Variants in DCLK1 observed in about 807,000 individuals in gnomAD.
DCLK1 encodes the protein serine/threonine-protein kinase DCLK1.
Under a neutral mutation model 86.2 loss-of-function variants are expected in DCLK1, and 16 were observed. That is an observed-to-expected ratio of 0.19 (90% confidence interval 0.13 to 0.28). The LOEUF (loss-of-function observed/expected upper bound fraction) is 0.28. DCLK1 is among the 10% of genes least tolerant of loss of function. DCLK1 has a pLI of 1.00. For synonymous variants in DCLK1, 369 were observed against 370.5 expected, an observed-to-expected ratio of 1.00 and a Z score of 0.05; for missense variants, 590 against 940.2, an observed-to-expected ratio of 0.63 and a Z score of 4.87.
chr13:35,793,673 C>G (rs959398710), intron 15 of DCLK1, among the ~76,000 whole-genome samples, 194 bp from the exon 16 acceptor site: 2 of 151,988 alleles, frequency 1.3e-5, no homozygotes, highest in Non-Finnish European at 2.9e-5. Context: ...CACATCTGCT[C>G]TAAAATTAAT....
At chr13:35,796,174 A>C (rs9574622) in intron 15 of DCLK1, among the ~76,000 whole-genome samples, 79,195 of 151,592 alleles carry the variant, frequency 0.52, 22,029 homozygotes, top group East Asian at 0.83. Flanking sequence ...GGCCTCACCA[A>C]CAAGATTACA....
At chr13:35,916,092 A>C (rs1302362207) in intron 4 of DCLK1, among the ~76,000 whole-genome samples, 1 of 152,216 alleles carries the variant, frequency 6.6e-6, no homozygotes, top group Admixed American at 6.5e-5. Flanking sequence ...ACCTTCTGCA[A>C]AAAGGATCTT....
intron 15 of DCLK1, among the ~76,000 whole-genome samples, chr13:35,799,006 G>T (rs1344887106): frequency 6.6e-6 from 1 of 152,128 alleles, no homozygotes; most frequent in African/African-American, 2.4e-5. Flanking sequence ...AAGTGTAAAG[G>T]CCAGGAAGGT....
At chr13:35,998,525 A>G (rs1189327381) in intron 3 of DCLK1, among the ~76,000 whole-genome samples, 1 of 152,076 alleles carries the variant, frequency 6.6e-6, no homozygotes, top group Non-Finnish European at 1.5e-5. Flanking sequence ...TAAGCCACTC[A>G]GAATCATCAT....
intron 3 of DCLK1, among the ~76,000 whole-genome samples, chr13:36,006,770 C>T (rs1880983425): frequency 6.6e-6 from 1 of 152,190 alleles, no homozygotes; most frequent in African/African-American, 2.4e-5. Flanking sequence ...ATCTAGAGGA[C>T]TCAGGTTTAG....
rs1259843069 is a variant in DCLK1, at chr13:35,891,002, A to G, written c.824-19662T>C. ...CCTTTGTCTCCTAATTTTAATTTTT[A>G]TAGTGTTTTGTCATATAGAATTGTT... On this transcript the variant is annotated intron_variant, in intron 4 of 16. Transcript: ENST00000360631. 2.0e-5 allele frequency among the ~76,000 whole-genome samples: 3 copies of G among 151,264 alleles called. No individual in the cohort carries two copies. The East Asian group carries it at 5.8e-4, about 29-fold the overall frequency.
intron 15 of DCLK1, among the ~76,000 whole-genome samples, chr13:35,800,985 G>T (rs1403772967): frequency 6.6e-6 from 1 of 151,478 alleles, no homozygotes; most frequent in Non-Finnish European, 1.5e-5. Flanking sequence ...CGGCCTCCCA[G>T]AGTGCTGGGG....
At chr13:36,080,661 A>T (rs778584275) in intron 3 of DCLK1, among the ~76,000 whole-genome samples, 1 of 152,130 alleles carries the variant, frequency 6.6e-6, no homozygotes, top group South Asian at 2.1e-4. Flanking sequence ...CCTGCCTTTG[A>T]TTTTGAGTTT....
chr13:35,881,256 G>A lies in DCLK1; in HGVS notation c.824-9916C>T, dbSNP rs140990954. On this transcript the variant is annotated intron_variant, in intron 4 of 16. Coordinates refer to ENST00000360631, the MANE Select transcript of DCLK1 (RefSeq NM_001330071.2). ...TAACAATTGACCTTAAATTAGCCAG[G>A]ACTTAATAAGTGACAGCATCCCTAA... 5.9e-5 allele frequency among the ~76,000 whole-genome samples: 9 copies of A among 152,198 alleles called. No individual in the cohort carries two copies. In the East Asian group the frequency reaches 1.7e-3, roughly 29 times the overall value.
At chr13:35,860,715 T>G (rs1424611672) in intron 5 of DCLK1, among the ~76,000 whole-genome samples, 1 of 152,186 alleles carries the variant, frequency 6.6e-6, no homozygotes, top group African/African-American at 2.4e-5. Flanking sequence ...CACTGTAGAA[T>G]GCACAAAGAA....
intron 3 of DCLK1, among the ~76,000 whole-genome samples, chr13:36,043,089 C>CATTA (rs1882750176): frequency 6.6e-6 from 1 of 152,018 alleles, no homozygotes; most frequent in Non-Finnish European, 1.5e-5. Flanking sequence ...ATAAGAAAGC[C>CATTA]ATTAATTCTT....
intron 4 of DCLK1, 80 bp from the exon 5 acceptor site, chr13:35,871,420 A>C: frequency 8.6e-7 from 1 of 1,164,346 alleles, no homozygotes; most frequent in Non-Finnish European, 1.3e-6. Context: ...ATAAACCTGG[A>C]AGTAGAAATA....
At chr13:35,821,055 A>G (rs746158740) in intron 11 of DCLK1, among the ~76,000 whole-genome samples, 3 of 152,192 alleles carry the variant, frequency 2.0e-5, no homozygotes, top group African/African-American at 4.8e-5. Flanking sequence ...ACTGTAGTGT[A>G]GTAGTATGAG....
intron 3 of DCLK1, 79 bp downstream of exon 3, chr13:36,111,790 G>A (rs1566016981): frequency 3.8e-6 from 5 of 1,320,308 alleles, no homozygotes; most frequent in African/African-American, 1.5e-5. Flanking sequence ...TGAGCAAAAT[G>A]TATGCTTTAG....
intron 2 of DCLK1, among the ~76,000 whole-genome samples, chr13:36,120,764 A>G (rs1885958363): frequency 7.0e-6 from 1 of 143,834 alleles, no homozygotes; most frequent in South Asian, 2.3e-4. Flanking sequence ...AACACATGAA[A>G]AGATGAAAAT....
At chr13:35,888,700 C>T (rs369138023) in intron 4 of DCLK1, among the ~76,000 whole-genome samples, 1 of 152,194 alleles carries the variant, frequency 6.6e-6, no homozygotes, top group South Asian at 2.1e-4. Flanking sequence ...CGCCTGAAAT[C>T]AGATGATACT....
Position 35,979,608 on chromosome 13 carries a change from C to G in DCLK1, c.724-32151G>C, listed in dbSNP as rs532345443. Among the ~76,000 whole-genome samples, 3 of 152,316 alleles carry G rather than the reference C, an allele frequency of 2.0e-5. No homozygotes were observed. In the South Asian group the frequency reaches 6.2e-4, roughly 32 times the overall value. On this transcript the variant is annotated intron_variant, in intron 3 of 16. Transcript: ENST00000360631. ...GGAAGGAACTGAATTTTCTTTTTTA[C>G]TTTTAAAAAGATGCTGAGCTGGCTC...
chr13:35,846,181 C>T, intron 6 of DCLK1: 1 of 985,204 alleles, frequency 1.0e-6, no homozygotes. Context: ...AAAGAGAATA[C>T]ACATCCAATC....
chr13:35,958,916 G>A (rs1040157219), intron 3 of DCLK1, among the ~76,000 whole-genome samples: 2 of 152,122 alleles, frequency 1.3e-5, no homozygotes, highest in Admixed American at 6.6e-5. Context: ...CTCTGGAATT[G>A]TTTGAATAAT....
Sources: gnomAD v4.1 joint callset for allele counts (sites outside exome capture counted in the v4.1 genomes callset) on GRCh38, gnomAD v4.1.1 for gene constraint, MANE v1.5 for transcripts, NCBI Gene and HGNC (gene_info 2026-07-23, HGNC 2026-07-21) for gene names.